Variants in AK9 observed in about 807,000 individuals in gnomAD.
AK9 encodes adenylate kinase 9.
AK9 carries 191 observed loss-of-function variants against 239.6 expected under a neutral mutation model. That is an observed-to-expected ratio of 0.80 (90% CI 0.71 to 0.90). The LOEUF is 0.90. Ranked by LOEUF, AK9 falls within the 40% of genes least tolerant of loss-of-function variation. The pLI is 0.00. For missense variants in AK9, 1,995 were observed against 2,214.7 expected (o/e 0.90, Z 1.99); for synonymous variants, 689 against 721.0 (o/e 0.96, Z 0.71).
chr6:109,633,008 G>A lies in AK9; in HGVS notation c.1169C>T (p.Pro390Leu), dbSNP rs1278640578. ...RPYLLPPMPGPPCKVFILGPQ... is the reference protein window; with the variant it reads ...RPYLLPPMPGLPCKVFILGPQ... The stretch of plus-strand genomic sequence containing the variant: ...TCCAAGTATGAATACTTTACATGGT[G>A]GTCCTGGCATAGGTGGAAGCAGATA... Residue 390 changes from proline to leucine, a missense_variant, in exon 12 of 41, where the codon CCA (proline) becomes CTA (leucine). Around this residue, in one of 5 missense-constraint regions of AK9, gnomAD observed 1,290 missense variants for 1,392.7 expected, o/e 0.93. Coordinates refer to ENST00000424296, the MANE Select transcript of AK9 (RefSeq NM_001145128.3). The A allele has an allele frequency of 6.2e-6, 10 of 1,606,230 alleles. No individual in the cohort carries two copies. Among genetic ancestry groups the A allele is most frequent in the Middle Eastern group, 3.3e-4 (2 of 6,036 alleles).
Position 109,630,882 on chromosome 6 carries a change from C to T in AK9, c.1254+2041G>A, listed in dbSNP as rs1031463999. Among the ~76,000 whole-genome samples, 34 of 151,614 alleles carry T rather than the reference C, an allele frequency of 2.2e-4. 1 individual carries two copies. The highest frequency in any genetic ancestry group is 1.5e-4 in the Non-Finnish European group (10 of 67,830). ...AAAAAAAAGAAATAGACCACTGAGC[C>T]CCAAAAGAGACACACATATGTATAA... On this transcript the variant is annotated intron_variant, in intron 12 of 40. Transcript: ENST00000424296.
intron 2 of AK9, among the ~76,000 whole-genome samples, chr6:109,675,132 G>A (rs950789210): frequency 1.3e-5 from 2 of 152,142 alleles, no homozygotes; most frequent in Non-Finnish European, 2.9e-5. Context: ...TCTTGATGGT[G>A]TCCTATCTTC....
At chr6:109,611,965 A>G (rs2128240040) in intron 16 of AK9, 45 bp downstream of exon 16, 1 of 1,328,444 alleles carries the variant, frequency 7.5e-7, no homozygotes, top group Non-Finnish European at 1.0e-6. Context: ...TGTGTTTTTT[A>G]GAACCACAAT....
intron 17 of AK9, among the ~76,000 whole-genome samples, chr6:109,590,931 G>T (rs1389352797): frequency 2.6e-5 from 4 of 152,058 alleles, no homozygotes; most frequent in Non-Finnish European, 4.4e-5. Context: ...GACTTGCCTT[G>T]TGGCCTTGCA....
chr6:109,573,634 G>A (rs1027463223), intron 20 of AK9, 40 bp from the exon 21 acceptor site: 14 of 1,512,488 alleles, frequency 9.3e-6, no homozygotes, highest in Non-Finnish European at 1.2e-5. Flanking sequence ...TTTGGTTGAA[G>A]TCAACAAATA....
chr6:109,649,072 G>T (rs187502051), intron 8 of AK9, among the ~76,000 whole-genome samples: 24 of 152,278 alleles, frequency 1.6e-4, no homozygotes, highest in Admixed American at 5.9e-4. Flanking sequence ...CAATAAATTA[G>T]TTATTGATGG....
At chr6:109,511,189 A>C (rs1778707519) in intron 32 of AK9, among the ~76,000 whole-genome samples, 1 of 151,992 alleles carries the variant, frequency 6.6e-6, no homozygotes, top group Non-Finnish European at 1.5e-5. Flanking sequence ...AGTATGCCCC[A>C]AATAACAATA....
chr6:109,656,126 A>G (rs1345038314), intron 8 of AK9, among the ~76,000 whole-genome samples: 1 of 152,172 alleles, frequency 6.6e-6, no homozygotes, highest in Non-Finnish European at 1.5e-5. Flanking sequence ...AGTTCAATAA[A>G]TGTTTGTTGA....
intron 17 of AK9, among the ~76,000 whole-genome samples, chr6:109,591,363 T>C (rs986597758): frequency 2.6e-5 from 4 of 152,210 alleles, no homozygotes; most frequent in Non-Finnish European, 4.4e-5. Flanking sequence ...GGTTTCCATC[T>C]GTATGGAATA....
At chr6:109,569,245 G>A (rs1006166434) in intron 21 of AK9, among the ~76,000 whole-genome samples, 10 of 152,124 alleles carry the variant, frequency 6.6e-5, no homozygotes, top group South Asian at 4.1e-4. Flanking sequence ...AGCTAAAACT[G>A]GATCCCTTCC....
chr6:109,544,105 G>A (rs1783225253), intron 26 of AK9, among the ~76,000 whole-genome samples: 1 of 152,028 alleles, frequency 6.6e-6, no homozygotes, highest in Non-Finnish European at 1.5e-5. Flanking sequence ...GGCAAGAGAG[G>A]GAGATGCTGT....
chr6:109,538,676 A>G (rs1367228126), intron 27 of AK9, among the ~76,000 whole-genome samples: 7 of 151,978 alleles, frequency 4.6e-5, no homozygotes, highest in Non-Finnish European at 1.0e-4. Flanking sequence ...TTTGCTCGTT[A>G]GTTGATGCAG....
intron 17 of AK9, among the ~76,000 whole-genome samples, chr6:109,603,957 A>G (rs965263303): frequency 3.3e-5 from 5 of 152,328 alleles, no homozygotes; most frequent in East Asian, 1.9e-4. Flanking sequence ...CCGATTTTCC[A>G]GGTGCCTTCT....
rs545697008 is a variant in AK9 at position 109,538,699 on chromosome 6, A to C, written c.3350+3348T>G. ...TTAGTTGATGCAGTTTCTTCCTAGC[A>C]TCAATGATCTTTACAATTTGGCATG... is the stretch of plus-strand genomic sequence containing the variant. On this transcript the variant is annotated intron_variant, in intron 27 of 40. Transcript: ENST00000424296. 6.7e-3 allele frequency among the ~76,000 whole-genome samples: 1,010 copies of C among 151,312 alleles called. 17 individuals are homozygous for C. Among genetic ancestry groups the C allele is most frequent in the African/African-American group, 0.023 (955 of 40,696 alleles).
chr6:109,573,311 T>C, intron 21 of AK9, 131 bp downstream of exon 21: 4 of 982,530 alleles, frequency 4.1e-6, no homozygotes, highest in Non-Finnish European at 5.6e-6. Flanking sequence ...ACTCAATGGC[T>C]GCTCTCTGGG....
At position 109,612,143 on chromosome 6, in the gene AK9, T is replaced by C. The variant is rs1417822413; in HGVS notation, c.1610-50A>G. The C allele has an allele frequency of 4.9e-6, 6 of 1,232,636 alleles. No individual in the cohort carries two copies. In the East Asian group the frequency reaches 1.6e-4, roughly 32 times the overall value. The allele number at this position is 1,232,636 out of a possible 1,614,324, so 76.4% of individuals were successfully genotyped here. ...CTAAAGAACGGTATTAAAAAAAATG[T>C]AGGTGATTCCCAAGGAAGATTGTAA... On this transcript the variant is annotated intron_variant, in intron 15 of 40. Transcript: ENST00000424296.
chr6:109,531,523 T>C (rs1334998412), intron 28 of AK9, among the ~76,000 whole-genome samples: 1 of 152,146 alleles, frequency 6.6e-6, no homozygotes, highest in Non-Finnish European at 1.5e-5. Context: ...TGTGGCTATT[T>C]ATATTAAAAT....
intron 24 of AK9, chr6:109,550,585 G>A (rs1183580844): frequency 9.6e-5 from 23 of 238,936 alleles, no homozygotes; most frequent in African/African-American, 1.1e-4. Flanking sequence ...GAAAAACTCC[G>A]GGATGTGTTG....
At position 109,650,368 on chromosome 6, in the gene AK9, A is replaced by T. The variant is rs564609580; in HGVS notation, c.760-5680T>A. ...ATGGGCCAATATCCAGAATCTACAA[A>T]GAACTCAAATAAATTTACAAGAAAA... On this transcript the variant is annotated intron_variant, in intron 8 of 40. Transcript: ENST00000424296. 2.2e-3 allele frequency among the ~76,000 whole-genome samples: 338 copies of T among 152,262 alleles called. 2 individuals are homozygous for T. The highest frequency in any genetic ancestry group is 4.1e-3 in the Admixed American group (62 of 15,288).
Sources: gnomAD v4.1 joint callset for allele counts (sites outside exome capture counted in the v4.1 genomes callset) on GRCh38, gnomAD v4.1.1 for gene constraint, gnomAD v4.1.1 regional missense constraint, MANE v1.5 for transcripts, NCBI Gene and HGNC (gene_info 2026-07-23, HGNC 2026-07-21) for gene names.